The following ARHGAP22 variants were observed in gnomAD, a reference collection of about 807,000 sequenced individuals.
ARHGAP22 encodes Rho GTPase activating protein 22, also known as rho GTPase-activating protein 22.
ARHGAP22 carries 48 observed loss-of-function variants against 59.1 expected under a neutral mutation model. That is an observed-to-expected ratio of 0.81 (90% CI 0.64 to 1.03). The LOEUF is 1.03. ARHGAP22 is among the 50% of genes least tolerant of loss of function. The probability of loss-of-function intolerance (pLI) is 0.00; values close to 1 mark genes in which losing one functional copy is unlikely to be tolerated. For synonymous variants in ARHGAP22, 445 were observed against 416.4 expected, an observed-to-expected ratio of 1.07 and a Z score of -0.84; for missense variants, 1,015 against 958.7, an observed-to-expected ratio of 1.06 and a Z score of -0.78.
the ARHGAP22 span, among the ~76,000 whole-genome samples, chr10:48,440,054 CTTG>C: frequency 1.6e-4 from 24 of 152,112 alleles, no homozygotes; most frequent in Non-Finnish European, 2.9e-4. Flanking sequence ...TGGGAATAAA[CTTG>C]TTTTTACTTT....
chr10:48,454,959 C>T (rs2046348130), intron 6 of ARHGAP22, 43 bp downstream of exon 6: 1 of 1,532,434 alleles, frequency 6.5e-7, no homozygotes. Flanking sequence ...GGCTGCCACC[C>T]AGCCAGCCCA....
the ARHGAP22 span, chr10:48,435,045 GGGGGTGGGA>G: frequency 6.6e-7 from 1 of 1,505,150 alleles, no homozygotes; most frequent in Non-Finnish European, 9.0e-7. Flanking sequence ...TGGGCCATCG[GGGGGTGGGA>G]GGGATGGGGA....
intron 2 of ARHGAP22, among the ~76,000 whole-genome samples, chr10:48,579,071 G>A (rs2095943958): frequency 6.6e-6 from 1 of 151,126 alleles, no homozygotes; most frequent in African/African-American, 2.4e-5. Context: ...TTATTTATTA[G>A]TTTTTTACTT....
At chr10:48,436,971 TTA>T in the ARHGAP22 span, 1 of 152,364 alleles carries the variant, frequency 6.6e-6, no homozygotes, top group East Asian at 1.9e-4. Context: ...GTAGCATAGA[TTA>T]TGTCACTGTT....
chr10:48,466,038 T>C (rs752926886), intron 4 of ARHGAP22, among the ~76,000 whole-genome samples: 17 of 152,100 alleles, frequency 1.1e-4, no homozygotes, highest in Non-Finnish European at 8.8e-5. Context: ...AAAACTCTCC[T>C]GCTCCCCACC....
At chr10:48,476,089 G>T (rs964159063) in intron 4 of ARHGAP22, among the ~76,000 whole-genome samples, 2 of 152,188 alleles carry the variant, frequency 1.3e-5, no homozygotes, top group African/African-American at 2.4e-5. Context: ...CCATGTGCCT[G>T]CTCAGCTGGT....
At chr10:48,630,382 G>A (rs1008492918) in intron 1 of ARHGAP22, among the ~76,000 whole-genome samples, 1 of 152,156 alleles carries the variant, frequency 6.6e-6, no homozygotes, top group African/African-American at 2.4e-5. Flanking sequence ...GAGCCACCAC[G>A]CCCAGCCCAG....
At position 48,582,979 on chromosome 10, in the gene ARHGAP22, TG is replaced by T; in HGVS notation, c.207del (p.Tyr69Ter). 6.2e-7 allele frequency: 1 copy of T among 1,614,186 alleles called. No homozygotes were observed. The highest frequency in any genetic ancestry group is 8.5e-7 in the Non-Finnish European group (1 of 1,180,024). The stretch of plus-strand genomic sequence containing the variant: ...TGGGGCTTGATCTCATCTTTGTCCT[TG>T]TAGTAGAAAAGCTGATCCCCACGCA... ...FVLRGDQLFY[Y>X]KDKDEIKPQG... On this transcript the variant is annotated frameshift_variant, in exon 2 of 10. Transcript: ENST00000249601. LOFTEE classifies it high-confidence loss of function.
intron 3 of ARHGAP22, among the ~76,000 whole-genome samples, chr10:48,531,188 G>A (rs889835875): frequency 3.3e-5 from 5 of 152,188 alleles, no homozygotes; most frequent in Non-Finnish European, 7.3e-5. Context: ...AGCAAACATC[G>A]TATGTTCTCA....
chr10:48,433,206 C>T, the ARHGAP22 span, among the ~76,000 whole-genome samples: 530 of 152,144 alleles, frequency 3.5e-3, 4 homozygotes, highest in African/African-American at 0.012. Context: ...TGTGTTTTTT[C>T]CCCTTAGGTA....
intron 3 of ARHGAP22, among the ~76,000 whole-genome samples, chr10:48,518,229 T>A (rs1016414025): frequency 2.0e-5 from 3 of 152,052 alleles, no homozygotes; most frequent in Non-Finnish European, 4.4e-5. Flanking sequence ...AGGCCTCAGA[T>A]CTGTCCACGT....
At chr10:48,432,984 T>C in the ARHGAP22 span, among the ~76,000 whole-genome samples, 2 of 152,200 alleles carry the variant, frequency 1.3e-5, no homozygotes, top group Non-Finnish European at 2.9e-5. Flanking sequence ...CCATTTCCAC[T>C]TGATTTTTAA....
chr10:48,609,890 C>A (rs1050412717), upstream of ARHGAP22, among the ~76,000 whole-genome samples: 2 of 152,172 alleles, frequency 1.3e-5, no homozygotes, highest in East Asian at 3.9e-4. Context: ...TAAAAAAATT[C>A]TTCCTAGATT....
At chr10:48,483,331 AG>A (rs1185642861) in intron 3 of ARHGAP22, among the ~76,000 whole-genome samples, 1 of 152,190 alleles carries the variant, frequency 6.6e-6, no homozygotes, top group Non-Finnish European at 1.5e-5. Flanking sequence ...GTCACTGCCA[AG>A]GTCTGATTTT....
chr10:48,580,904 C>T lies in ARHGAP22; in HGVS notation c.234+2049G>A, dbSNP rs142186293. The stretch of plus-strand genomic sequence containing the variant: ...ATCCCTGTGATGGAGGTAATATTGT[C>T]TCCATTTTACAAATGATACAATCTA... On this transcript the variant is annotated intron_variant, in intron 2 of 9. Coordinates refer to ENST00000249601, the MANE Select transcript of ARHGAP22 (RefSeq NM_021226.4). 6.5e-3 allele frequency among the ~76,000 whole-genome samples: 960 copies of T among 146,860 alleles called. 12 individuals carry two copies. Among genetic ancestry groups the T allele is most frequent in the African/African-American group, 0.022 (886 of 39,588 alleles).
rs562036257 is a variant in ARHGAP22 at position 48,516,258 on chromosome 10, C to T, written c.323-36494G>A. Among the ~76,000 whole-genome samples the T allele has an allele frequency of 5.3e-5, 8 of 152,304 alleles. No homozygotes were observed. In the South Asian group the frequency reaches 1.7e-3, roughly 32 times the overall value. On this transcript the variant is annotated intron_variant, in intron 3 of 9. Coordinates refer to ENST00000249601, the MANE Select transcript of ARHGAP22 (RefSeq NM_021226.4). ...AAGAGTTTGTGGCCAGGTACAGTGGCTCATGCCTGTAATCCCAGCACTTTG... is the reference window on the plus strand; with the variant it reads ...AAGAGTTTGTGGCCAGGTACAGTGGTTCATGCCTGTAATCCCAGCACTTTG...
intron 2 of ARHGAP22, among the ~76,000 whole-genome samples, chr10:48,577,951 G>A (rs2058855223): frequency 6.6e-6 from 1 of 151,894 alleles, no homozygotes; most frequent in East Asian, 1.9e-4. Flanking sequence ...TGGGATTACA[G>A]GCATGTGCCA....
At chr10:48,440,782 T>G in the ARHGAP22 span, among the ~76,000 whole-genome samples, 1 of 152,140 alleles carries the variant, frequency 6.6e-6, no homozygotes, top group Non-Finnish European at 1.5e-5. Context: ...CTGACCCTTG[T>G]TTTAGGATGG....
intron 3 of ARHGAP22, among the ~76,000 whole-genome samples, chr10:48,485,166 C>T (rs1289430485): frequency 6.6e-6 from 1 of 152,138 alleles, no homozygotes; most frequent in Non-Finnish European, 1.5e-5. Flanking sequence ...CATTGATTTC[C>T]ACTCTGATCT....
Sources: gnomAD v4.1 joint callset for allele counts (sites outside exome capture counted in the v4.1 genomes callset) on GRCh38, gnomAD v4.1.1 for gene constraint, MANE v1.5 for transcripts, NCBI Gene and HGNC (gene_info 2026-07-23, HGNC 2026-07-21) for gene names.